NAALADL2: variants seen among roughly 807,000 people sequenced by gnomAD.
NAALADL2 encodes inactive N-acetylated-alpha-linked acidic dipeptidase-like protein 2.
NAALADL2 carries 76 observed loss-of-function variants against 87.2 expected under a neutral mutation model. That is an observed-to-expected ratio of 0.87 (90% CI 0.72 to 1.05). The LOEUF (loss-of-function observed/expected upper bound fraction) is 1.05. NAALADL2 is among the 50% of genes least tolerant of loss of function. NAALADL2 has a pLI of 0.00. For missense variants in NAALADL2, 1,089 were observed against 945.8 expected (o/e 1.15, Z -1.99); for synonymous variants, 354 against 331.0 (o/e 1.07, Z -0.75).
intron 1 of NAALADL2, among the ~76,000 whole-genome samples, chr3:174,454,492 A>G (rs1321895788): frequency 6.6e-6 from 1 of 152,166 alleles, no homozygotes; most frequent in Non-Finnish European, 1.5e-5. Context: ...ATCAGCCCCA[A>G]AACACTACTC....
intron 9 of NAALADL2, among the ~76,000 whole-genome samples, chr3:175,484,538 T>C (rs990246459): frequency 9.2e-5 from 14 of 152,072 alleles, no homozygotes; most frequent in African/African-American, 3.4e-4. Flanking sequence ...ATAAAGAAAA[T>C]AAATTATGTT....
At chr3:175,229,676 AC>A (rs1560196535) in intron 2 of NAALADL2, among the ~76,000 whole-genome samples, 1 of 151,974 alleles carries the variant, frequency 6.6e-6, no homozygotes, top group East Asian at 1.9e-4. Flanking sequence ...AACACTTAAT[AC>A]TATCACCTTG....
At chr3:175,589,275 A>G (rs1410433332) in intron 10 of NAALADL2, among the ~76,000 whole-genome samples, 2 of 152,064 alleles carry the variant, frequency 1.3e-5, no homozygotes, top group Admixed American at 6.5e-5. Context: ...AGAAAGCTAA[A>G]TAGTCCTACT....
At chr3:174,891,337 C>T (rs138414499) in intron 1 of NAALADL2, among the ~76,000 whole-genome samples, 10 of 152,114 alleles carry the variant, frequency 6.6e-5, no homozygotes, top group East Asian at 3.9e-4. Context: ...ACACCTTATA[C>T]GAACCCCAAA....
Position 174,457,821 on chromosome 3 carries a change from A to AC in NAALADL2, c.-184+16789_-184+16790insC, listed in dbSNP as rs539606824. Among the ~76,000 whole-genome samples, 11 of 152,098 alleles carry AC rather than the reference A, an allele frequency of 7.2e-5. No individual in the cohort carries two copies. The South Asian group carries it at 1.5e-3, about 20-fold the overall frequency. On this transcript the variant is annotated intron_variant, in intron 1 of 3. Coordinates refer to the NAALADL2 transcript ENST00000434257. ...GTGAGACTCCGTCTCAAAAAAACAAAAAAAAAAAGAGGTCATGTCTTTTGC... is the reference window on the plus strand; with the variant it reads ...GTGAGACTCCGTCTCAAAAAAACAAACAAAAAAAAGAGGTCATGTCTTTTGC...
chr3:174,485,051 C>A (rs1717768287), intron 1 of NAALADL2, among the ~76,000 whole-genome samples: 1 of 151,982 alleles, frequency 6.6e-6, no homozygotes, highest in African/African-American at 2.4e-5. Context: ...TATACCCTTT[C>A]ATATTTAAAG....
intron 1 of NAALADL2, among the ~76,000 whole-genome samples, chr3:175,013,293 A>ATTTTTTT (rs1317049254): frequency 1.3e-5 from 1 of 79,774 alleles, no homozygotes; most frequent in African/African-American, 8.3e-5. Flanking sequence ...ATATATATAT[A>ATTTTTTT]TATATATATT....
chr3:175,236,488 C>T (rs1745890064), intron 3 of NAALADL2, among the ~76,000 whole-genome samples: 2 of 146,496 alleles, frequency 1.4e-5, no homozygotes, highest in African/African-American at 5.1e-5. Context: ...GGGGAGGTTG[C>T]AGTCAGCCAA....
At chr3:175,188,315 A>G (rs935346732) in intron 2 of NAALADL2, among the ~76,000 whole-genome samples, 10 of 152,112 alleles carry the variant, frequency 6.6e-5, no homozygotes, top group Non-Finnish European at 1.5e-4. Flanking sequence ...CCAGGGACCC[A>G]GACTCTAGGC....
intron 1 of NAALADL2, among the ~76,000 whole-genome samples, chr3:174,894,879 G>C (rs1286447825): frequency 2.0e-5 from 3 of 151,942 alleles, no homozygotes; most frequent in Admixed American, 6.6e-5. Context: ...AACAAGAGGA[G>C]TTTCAGAATC....
intron 3 of NAALADL2, among the ~76,000 whole-genome samples, chr3:174,827,587 A>T (rs778851310): frequency 7.9e-5 from 12 of 152,200 alleles, no homozygotes; most frequent in Admixed American, 1.3e-4. Flanking sequence ...TCTCCATCTC[A>T]GTGTCACCTG....
At position 174,484,142 on chromosome 3, in the gene NAALADL2, C is replaced by G. The variant is rs1409358798; in HGVS notation, c.-184+43110C>G. ...GTGTGATTTACATTATGGTATAGCTCCTATAGGCAGTATTTGCTGACGGAT... is the reference window on the plus strand; with the variant it reads ...GTGTGATTTACATTATGGTATAGCTGCTATAGGCAGTATTTGCTGACGGAT... On this transcript the variant is annotated intron_variant, in intron 1 of 3. Coordinates refer to the NAALADL2 transcript ENST00000434257. 2.7e-5 allele frequency among the ~76,000 whole-genome samples: 4 copies of G among 149,576 alleles called. 1 individual carries two copies. The highest frequency in any genetic ancestry group is 5.9e-5 in the Non-Finnish European group (4 of 67,390).
chr3:175,549,153 T>C (rs1002921526), intron 9 of NAALADL2, among the ~76,000 whole-genome samples: 2 of 25,254 alleles, frequency 7.9e-5, no homozygotes, highest in East Asian at 2.3e-3. Context: ...TTATTTTCCC[T>C]TGCATTGTTT....
intron 1 of NAALADL2, among the ~76,000 whole-genome samples, chr3:174,478,532 AT>A (rs1717351778): frequency 6.6e-6 from 1 of 152,144 alleles, no homozygotes; most frequent in Admixed American, 6.6e-5. Context: ...TTCTATAAAA[AT>A]ATAGTACTCA....
intron 1 of NAALADL2, among the ~76,000 whole-genome samples, chr3:174,872,433 C>T (rs1412835963): frequency 6.6e-6 from 1 of 152,128 alleles, no homozygotes; most frequent in African/African-American, 2.4e-5. Context: ...TGATGGTTTA[C>T]TTGAATAGAG....
intron 2 of NAALADL2, chr3:175,115,038 T>A (rs1215635323): frequency 6.6e-6 from 1 of 151,702 alleles, no homozygotes; most frequent in African/African-American, 2.4e-5. Context: ...AACTTGTTTT[T>A]AAATGAACGA....
intron 2 of NAALADL2, among the ~76,000 whole-genome samples, chr3:175,179,247 T>A (rs1269482680): frequency 6.6e-6 from 1 of 152,026 alleles, no homozygotes. Flanking sequence ...CTTATTTGTC[T>A]TTGTAATTCC....
intron 1 of NAALADL2, among the ~76,000 whole-genome samples, chr3:174,925,735 C>T (rs992652740): frequency 6.6e-5 from 10 of 152,144 alleles, no homozygotes; most frequent in East Asian, 3.9e-4. Flanking sequence ...TTGTTTGTGT[C>T]GTCTTTTATT....
intron 1 of NAALADL2, among the ~76,000 whole-genome samples, chr3:175,016,129 A>G (rs1213135092): frequency 6.6e-6 from 1 of 151,380 alleles, no homozygotes; most frequent in Non-Finnish European, 1.5e-5. Flanking sequence ...AAGTTATTGT[A>G]TCATGTATTA....
Sources: gnomAD v4.1 joint callset for allele counts (sites outside exome capture counted in the v4.1 genomes callset) on GRCh38, gnomAD v4.1.1 for gene constraint, MANE v1.5 for transcripts, NCBI Gene and HGNC (gene_info 2026-07-23, HGNC 2026-07-21) for gene names.